The following MORC2 variants were observed in gnomAD, a reference collection of about 807,000 sequenced individuals.
MORC2 encodes the protein MORC family CW-type zinc finger 2.
Under a neutral mutation model 136.0 loss-of-function variants are expected in MORC2, and 30 were observed. The observed-to-expected ratio is 0.22, with a 90% confidence interval of 0.17 to 0.30. The LOEUF is 0.30. MORC2 is among the 10% of genes least tolerant of loss of function. The probability of loss-of-function intolerance (pLI) is 1.00; values close to 1 mark genes in which losing one functional copy is unlikely to be tolerated. For missense variants in MORC2, 922 were observed against 1,333.1 expected (o/e 0.69, Z 4.80); for synonymous variants, 439 against 487.0 (o/e 0.90, Z 1.30).
rs777693312 is a variant in MORC2 at position 30,940,028 on chromosome 22, C to T, written c.918G>A (p.Ala306=). The change falls in exon 11 of 26, where the codon GCG becomes GCA. Residue 306 remains alanine, a synonymous_variant. Coordinates refer to ENST00000397641, the MANE Select transcript of MORC2 (RefSeq NM_001303256.3). ...EHVARIAEEK[A]REAESKARTL... is the part of the protein sequence containing the mutation. Reference sequence around the variant, plus strand: ...TCCGAGCTTTGCTCTCTGCCTCCCGCGCCTTCTCTTCAGCTGAAACCCAGA... The same window carrying T: ...TCCGAGCTTTGCTCTCTGCCTCCCGTGCCTTCTCTTCAGCTGAAACCCAGA... The T allele has an allele frequency of 7.0e-5, 113 of 1,613,622 alleles. No homozygotes were observed. The East Asian group carries it at 1.6e-3, about 24-fold the overall frequency.
At chr22:30,964,422 A>G (rs913112342) in intron 1 of MORC2, among the ~76,000 whole-genome samples, 2 of 152,200 alleles carry the variant, frequency 1.3e-5, no homozygotes, top group African/African-American at 4.8e-5. Flanking sequence ...TTAAGTGACT[A>G]AATGTGCCAA....
intron 24 of MORC2, 74 bp from the exon 25 acceptor site, chr22:30,928,281 G>A: frequency 1.4e-6 from 2 of 1,474,856 alleles, no homozygotes; most frequent in Admixed American, 3.6e-5. Flanking sequence ...GCTGACACGG[G>A]TGTCTCCAGC....
At position 30,939,702 on chromosome 22, in the gene MORC2, A is replaced by T; in HGVS notation, c.992T>A (p.Met331Lys). The change falls in exon 12 of 26, where the codon ATG becomes AAG. Residue 331 changes from methionine (M) to lysine (K), a missense_variant. Physicochemically the swap from Met to Lys is moderately conservative, Grantham distance 95. Coordinates refer to ENST00000397641, the MANE Select transcript of MORC2 (RefSeq NM_001303256.3). ...GGDLTRDSRV[M>K]LRQVQNRAIT... ...GGCTCTGTTCTGGACCTGTCGCAAC[A>T]TCACCTGCACACATTGACATCAGGT... 2 of 1,613,910 alleles carry T rather than the reference A, an allele frequency of 1.2e-6. No homozygotes were observed. The highest frequency in any genetic ancestry group is 1.7e-6 in the Non-Finnish European group (2 of 1,179,988).
intron 1 of MORC2, among the ~76,000 whole-genome samples, chr22:30,963,005 G>A (rs946462370): frequency 5.3e-5 from 8 of 151,120 alleles, no homozygotes; most frequent in African/African-American, 1.9e-4. Context: ...ACAGAGTCTC[G>A]CTCTGTCACC....
Position 30,934,878 on chromosome 22 carries a change from A to G in MORC2, c.2096T>C (p.Leu699Ser). The change falls in exon 19 of 26, where the codon TTA becomes TCA. Residue 699 changes from leucine (L) to serine (S), a missense_variant. Physicochemically the swap from Leu to Ser is moderately radical, Grantham distance 145 (BLOSUM62 -2). This residue lies in a region of MORC2 where 184 missense variants were observed against 180.3 expected (regional missense o/e 1.02). Coordinates refer to ENST00000397641, the MANE Select transcript of MORC2 (RefSeq NM_001303256.3). The surrounding 1 kb of genome is among the most constrained non-coding windows in gnomAD (Gnocchi z 4.4). ...CCGAGGGCTCTTGGAGTTGGGCAGT[A>G]AAGATGGTGACAGTTGCTGCACCAG... ...APLVQQLSPS[L>S]LPNSKSPREV... 2 of 1,614,174 alleles carry G rather than the reference A, an allele frequency of 1.2e-6. No individual in the cohort carries two copies. The highest frequency in any genetic ancestry group is 2.2e-5 in the East Asian group (1 of 44,864).
At chr22:30,944,531 C>T (rs2147272039) in intron 6 of MORC2, among the ~76,000 whole-genome samples, 1 of 152,260 alleles carries the variant, frequency 6.6e-6, no homozygotes, top group South Asian at 2.1e-4. Context: ...TCACTCTATT[C>T]TCTCCATTAG....
chr22:30,936,901 C>A, intron 16 of MORC2, 31 bp downstream of exon 16: 1 of 1,587,724 alleles, frequency 6.3e-7, no homozygotes, highest in Non-Finnish European at 8.6e-7. Context: ...AGAAAAGTAC[C>A]CACAATCCCC....
Position 30,933,450 on chromosome 22 carries a change from C to T in MORC2, c.2380+16G>A, listed in dbSNP as rs568871593. On this transcript the variant is annotated intron_variant, in intron 21 of 25. Coordinates refer to ENST00000397641, the MANE Select transcript of MORC2 (RefSeq NM_001303256.3). ...CCACCCCCGCCACAGGCTGCCAAGT[C>T]ACTCCCCCAGCTCACCTTTCTGAGC... The T allele has an allele frequency of 1.9e-6, 3 of 1,613,318 alleles. No homozygotes were observed. The highest frequency in any genetic ancestry group is 1.1e-5 in the South Asian group (1 of 90,994).
chr22:30,937,103 C>T lies in MORC2; in HGVS notation c.1499-66G>A. ...CCAACTCTATCTGTAATCCGGGTTCCTCACAGGCCCACCACAATGATGCCC... is the reference window on the plus strand; with the variant it reads ...CCAACTCTATCTGTAATCCGGGTTCTTCACAGGCCCACCACAATGATGCCC... On this transcript the variant is annotated intron_variant, in intron 15 of 25. Transcript: ENST00000397641. This position sits in a 1 kb window ranked among gnomAD's most constrained non-coding sequence, Gnocchi z 4.7. The T allele has an allele frequency of 8.6e-7, 1 of 1,164,176 alleles. No homozygotes were observed. Among genetic ancestry groups the T allele is most frequent in the Non-Finnish European group, 1.3e-6 (1 of 781,340 alleles). 72.1% of individuals were successfully genotyped at this position (1,164,176 alleles called of 1,614,324 possible). A position where few individuals can be genotyped will look rare whatever the true frequency, so the allele number is the denominator to read the frequency against.
intron 2 of MORC2, 30 bp from the exon 3 acceptor site, chr22:30,956,827 A>G: frequency 6.6e-7 from 1 of 1,510,476 alleles, no homozygotes; most frequent in Non-Finnish European, 9.0e-7. Context: ...GAATCATGTG[A>G]ATTAATATGA....
At chr22:30,931,987 C>T (rs1367769294) in intron 24 of MORC2, among the ~76,000 whole-genome samples, 5 of 152,214 alleles carry the variant, frequency 3.3e-5, no homozygotes, top group East Asian at 1.9e-4. Context: ...CTATGCACTT[C>T]GAGCCTCAGC....
At chr22:30,952,896 A>C (rs1223703842) in intron 3 of MORC2, among the ~76,000 whole-genome samples, 1 of 152,228 alleles carries the variant, frequency 6.6e-6, no homozygotes, top group Non-Finnish European at 1.5e-5. Flanking sequence ...AGCTGAAGGA[A>C]GCTTAGAAAA....
At chr22:30,946,239 T>C (rs180882624) in intron 6 of MORC2, 102 bp downstream of exon 6, 4 of 835,870 alleles carry the variant, frequency 4.8e-6, no homozygotes, top group African/African-American at 1.7e-5. Context: ...GCTCCAATCC[T>C]GCAACCCCAA....
chr22:30,950,717 G>C (rs2147287410), intron 3 of MORC2, among the ~76,000 whole-genome samples: 1 of 152,258 alleles, frequency 6.6e-6, no homozygotes, highest in South Asian at 2.1e-4. Flanking sequence ...CACTACCACT[G>C]AATATGCACA....
chr22:30,950,353 C>CAAAAAAAAAAAAAAA, intron 4 of MORC2, 24 bp downstream of exon 4: 1 of 1,481,952 alleles, frequency 6.7e-7, no homozygotes, highest in Non-Finnish European at 9.4e-7. Context: ...CCCCACCCCC[C>CAAAAAAAAAAAAAAA]AAAACAATAA....
Position 30,941,344 on chromosome 22 carries a change from A to C in MORC2, c.824+89T>G. ...GTAGTCAGCACTGCCAGAGCCTCTT[A>C]TACAGCATCCCTCTAACAATGCCCC... On this transcript the variant is annotated intron_variant, in intron 9 of 25. Coordinates refer to ENST00000397641, the MANE Select transcript of MORC2 (RefSeq NM_001303256.3). This position sits in a 1 kb window ranked among gnomAD's most constrained non-coding sequence, Gnocchi z 4.6. 1 of 1,548,132 alleles carries C rather than the reference A, an allele frequency of 6.5e-7. No homozygotes were observed. Among genetic ancestry groups the C allele is most frequent in the Non-Finnish European group, 8.7e-7 (1 of 1,145,360 alleles).
chr22:30,932,920 C>T lies in MORC2; in HGVS notation c.2491G>A (p.Val831Met), dbSNP rs1452993249. The T allele has an allele frequency of 6.2e-7, 1 of 1,614,152 alleles. No individual in the cohort carries two copies. Among genetic ancestry groups the T allele is most frequent in the African/African-American group, 1.3e-5 (1 of 75,026 alleles). Residue 831 changes from valine (V) to methionine (M), a missense_variant, in exon 22 of 26, where the codon GTG (valine) becomes ATG (methionine). Around this residue, in one of 9 missense-constraint regions of MORC2, gnomAD observed 263 missense variants for 388.3 expected, o/e 0.68. Transcript: ENST00000397641. The surrounding 1 kb of genome is among the most constrained non-coding windows in gnomAD (Gnocchi z 4.4). ...TCTCTTGGTGTCGTGTCTGTGGGCA[C>T]GTAGTCAAACTTCACCTTCCACCGC... ...VVRWKVKFDY[V>M]PTDTTPRDRW... is the part of the protein sequence containing the mutation.
rs765254252 is a variant in MORC2 at position 30,928,124 on chromosome 22, G to C, written c.2925C>G (p.Ala975=). The change falls in exon 25 of 26, where the codon GCC becomes GCG. Residue 975 remains alanine (A), a synonymous_variant. Transcript: ENST00000397641. The part of the protein sequence containing the change: ...YQSRADSRAK[A]SEESLRTSER... ...CGGAGGTGCGCAGGCTTTCCTCGGA[G>C]GCCTTGGCCCGGGAGTCAGCACGGC... 13 of 1,614,010 alleles carry C rather than the reference G, an allele frequency of 8.1e-6. No individual in the cohort carries two copies. The South Asian group carries it at 1.3e-4, about 16-fold the overall frequency.
chr22:30,931,980 T>C (rs1156333314), intron 24 of MORC2, among the ~76,000 whole-genome samples: 6 of 152,236 alleles, frequency 3.9e-5, no homozygotes, highest in Non-Finnish European at 8.8e-5. Flanking sequence ...TCAAGTTCTA[T>C]GCACTTCGAG....
Sources: gnomAD v4.1 joint callset for allele counts (sites outside exome capture counted in the v4.1 genomes callset) on GRCh38, gnomAD v4.1.1 for gene constraint, gnomAD v4.1.1 regional missense constraint, Gnocchi (gnomAD v3.1) non-coding constraint, MANE v1.5 for transcripts, NCBI Gene and HGNC (gene_info 2026-07-23, HGNC 2026-07-21) for gene names.